RORA: variants seen among roughly 807,000 people sequenced by gnomAD.
RORA encodes nuclear receptor ROR-alpha.
A neutral mutation model predicts 69.5 loss-of-function variants in RORA; 7 were observed. That is an observed-to-expected ratio of 0.10 (90% CI 0.06 to 0.19). The LOEUF is 0.19. RORA is among the 10% of genes least tolerant of loss of function. The probability of loss-of-function intolerance (pLI) is 1.00; values close to 1 mark genes in which losing one functional copy is unlikely to be tolerated. For missense variants in RORA, 457 were observed against 663.0 expected, an observed-to-expected ratio of 0.69 and a Z score of 3.41; for synonymous variants, 261 against 240.8, an observed-to-expected ratio of 1.08 and a Z score of -0.78.
chr15:60,607,353 T>G (rs2068971411), intron 2 of RORA, among the ~76,000 whole-genome samples: 1 of 152,230 alleles, frequency 6.6e-6, no homozygotes, highest in Non-Finnish European at 1.5e-5. Flanking sequence ...AAAGCTCCCC[T>G]TCCCCCTATA....
chr15:61,040,165 A>ATATATATAT (rs1566958547), intron 1 of RORA, among the ~76,000 whole-genome samples: 1 of 101,714 alleles, frequency 9.8e-6, no homozygotes, highest in Non-Finnish European at 2.1e-5. Context: ...TATATATATA[A>ATATATATAT]AATATATGAA....
At chr15:60,735,292 C>T (rs1170696009) in intron 1 of RORA, among the ~76,000 whole-genome samples, 9 of 152,098 alleles carry the variant, frequency 5.9e-5, no homozygotes, top group African/African-American at 2.2e-4. Flanking sequence ...ATTATTTGAC[C>T]CCTAACTAAA....
At chr15:61,133,331 C>T (rs1445470943) in intron 1 of RORA, among the ~76,000 whole-genome samples, 1 of 152,166 alleles carries the variant, frequency 6.6e-6, no homozygotes, top group South Asian at 2.1e-4. Flanking sequence ...TCACAATGTG[C>T]ATGGCAGAAC....
chr15:61,044,432 G>A (rs1896929771), intron 1 of RORA, among the ~76,000 whole-genome samples: 1 of 152,186 alleles, frequency 6.6e-6, no homozygotes, highest in African/African-American at 2.4e-5. Flanking sequence ...CCAGCCACCT[G>A]TGGCCACCGA....
chr15:60,835,525 G>A lies in RORA; in HGVS notation c.167-156839C>T, dbSNP rs140324344. On this transcript the variant is annotated intron_variant, in intron 1 of 10. Coordinates refer to ENST00000335670, the MANE Select transcript of RORA (RefSeq NM_134261.3). ...CTAAAAGTGAAGTCTTCCCCAGAAT[G>A]TGAGACACCAGTGAAAACGACCTGT... Among the ~76,000 whole-genome samples, 519 of 152,298 alleles carry A rather than the reference G, an allele frequency of 3.4e-3. 6 individuals are homozygous for A. Among genetic ancestry groups the A allele is most frequent in the African/African-American group, 0.012 (493 of 41,560 alleles).
At chr15:60,708,296 C>T (rs145672701) in intron 1 of RORA, among the ~76,000 whole-genome samples, 1,756 of 152,010 alleles carry the variant, frequency 0.012, 27 homozygotes, top group African/African-American at 0.041. Flanking sequence ...GTGGTGTGTG[C>T]CTGTAGTCCC....
intron 1 of RORA, among the ~76,000 whole-genome samples, chr15:60,964,367 A>G (rs2140345930): frequency 6.6e-6 from 1 of 152,204 alleles, no homozygotes; most frequent in South Asian, 2.1e-4. Flanking sequence ...TACTCACCCT[A>G]GGATTCGGGT....
At chr15:61,140,781 C>CG (rs1264679524) in intron 1 of RORA, among the ~76,000 whole-genome samples, 1 of 151,916 alleles carries the variant, frequency 6.6e-6, no homozygotes, top group Non-Finnish European at 1.5e-5. Flanking sequence ...TGGGCAGTGG[C>CG]GGGGGGTCAG....
At chr15:61,195,467 T>G (rs925932916) in intron 1 of RORA, among the ~76,000 whole-genome samples, 13 of 151,660 alleles carry the variant, frequency 8.6e-5, no homozygotes, top group Admixed American at 4.6e-4. Flanking sequence ...GGGGTTCCGA[T>G]CTACAGTTCT....
At chr15:60,779,284 A>T (rs1456133055) in intron 1 of RORA, among the ~76,000 whole-genome samples, 1 of 152,052 alleles carries the variant, frequency 6.6e-6, no homozygotes, top group Non-Finnish European at 1.5e-5. Flanking sequence ...GGTTGGCCCA[A>T]CTCTTATCTT....
chr15:60,866,851 T>TCTATCTATCTAC (rs1236953620), intron 1 of RORA, among the ~76,000 whole-genome samples: 90 of 145,580 alleles, frequency 6.2e-4, no homozygotes, highest in East Asian at 7.8e-4. Context: ...TATCTATCTA[T>TCTATCTATCTAC]CTACCTACCT....
At chr15:61,168,968 G>T (rs368720230) in intron 1 of RORA, among the ~76,000 whole-genome samples, 4 of 152,166 alleles carry the variant, frequency 2.6e-5, no homozygotes, top group Admixed American at 2.0e-4. Flanking sequence ...TATCCACTCA[G>T]TTGATGTGAT....
intron 2 of RORA, among the ~76,000 whole-genome samples, chr15:60,625,345 C>T (rs1254832184): frequency 2.0e-5 from 3 of 152,160 alleles, no homozygotes; most frequent in Non-Finnish European, 4.4e-5. Context: ...CAGGCACTCA[C>T]ATACATTATT....
intron 1 of RORA, among the ~76,000 whole-genome samples, chr15:60,929,812 G>A (rs1170106683): frequency 6.6e-6 from 1 of 152,028 alleles, no homozygotes; most frequent in South Asian, 2.1e-4. Flanking sequence ...TGATTCCCAG[G>A]CCTCCCCTCC....
At position 61,168,203 on chromosome 15, in the gene RORA, CGCGT is replaced by C. The variant is rs1425170162; in HGVS notation, c.166+60846_166+60849del. Among the ~76,000 whole-genome samples, 1,358 of 151,302 alleles carry C rather than the reference CGCGT, an allele frequency of 9.0e-3. 18 individuals carry two copies. Among genetic ancestry groups the C allele is most frequent in the African/African-American group, 0.029 (1,200 of 41,112 alleles). On this transcript the variant is annotated intron_variant, in intron 1 of 10. Coordinates refer to ENST00000335670, the MANE Select transcript of RORA (RefSeq NM_134261.3). ...TTACATATATACACATATATACACG[CGCGT>C]GCGTGCGTGCGTGTGTGTGTGTGTG...
At chr15:61,014,078 C>T (rs557906264) in intron 1 of RORA, among the ~76,000 whole-genome samples, 5 of 152,128 alleles carry the variant, frequency 3.3e-5, no homozygotes, top group East Asian at 1.9e-4. Context: ...CCACCGCACC[C>T]GGCCGGGTTG....
rs3053858 is a variant in RORA, at chr15:60,624,471, CATATATATAT to C, written c.196+54176_196+54185del. On this transcript the variant is annotated intron_variant, in intron 2 of 10. Transcript: ENST00000335670. ...GGAAGAGGTCCTCTTCCATTTGCTG[CATATATATAT>C]ATATATATATATATATTTGCTGTAT... Among the ~76,000 whole-genome samples the C allele has an allele frequency of 1.5e-3, 112 of 73,544 alleles. 1 individual carries two copies. Among genetic ancestry groups the C allele is most frequent in the Middle Eastern group, 5.7e-3 (1 of 174 alleles). The allele number at this position is 73,544 out of a possible 152,430, so 48.2% of individuals were successfully genotyped here. A position where few individuals can be genotyped will look rare whatever the true frequency, so the allele number is the denominator to read the frequency against.
chr15:60,715,676 G>T (rs1291531191), intron 1 of RORA, among the ~76,000 whole-genome samples: 1 of 152,144 alleles, frequency 6.6e-6, no homozygotes, highest in Non-Finnish European at 1.5e-5. Context: ...TCCAAACAGT[G>T]CCCAACAGTA....
intron 1 of RORA, among the ~76,000 whole-genome samples, chr15:61,121,433 G>C (rs1481408527): frequency 6.6e-6 from 1 of 152,140 alleles, no homozygotes; most frequent in Non-Finnish European, 1.5e-5. Context: ...TCTTTAAAAA[G>C]AAGCTTTTGC....
Sources: gnomAD v4.1 joint callset for allele counts (sites outside exome capture counted in the v4.1 genomes callset) on GRCh38, gnomAD v4.1.1 for gene constraint, MANE v1.5 for transcripts, NCBI Gene and HGNC (gene_info 2026-07-23, HGNC 2026-07-21) for gene names.